VPS13B: variants seen among roughly 807,000 people sequenced by gnomAD.
VPS13B encodes intermembrane lipid transfer protein VPS13B.
In VPS13B, 285 loss-of-function variants were observed where a neutral mutation model predicts 426.4. The observed-to-expected ratio is 0.67, with a 90% CI of 0.61 to 0.74. The LOEUF (loss-of-function observed/expected upper bound fraction) is 0.74. Among genes scored for constraint, VPS13B ranks in the 30% least tolerant of loss-of-function variants. VPS13B has a pLI of 0.00. For missense variants in VPS13B, 4,537 were observed against 4,782.6 expected (o/e 0.95, Z 1.51); for synonymous variants, 1,676 against 1,676.4 (o/e 1.00, Z 0.01).
At chr8:99,301,723 G>A (rs1820378460) in intron 19 of VPS13B, among the ~76,000 whole-genome samples, 1 of 152,182 alleles carries the variant, frequency 6.6e-6, no homozygotes, top group Non-Finnish European at 1.5e-5. Flanking sequence ...TAGAGTCCTT[G>A]TTTCCATCTA....
intron 25 of VPS13B, among the ~76,000 whole-genome samples, chr8:99,485,806 T>C (rs1820269507): frequency 6.6e-6 from 1 of 152,214 alleles, no homozygotes; most frequent in South Asian, 2.1e-4. Context: ...TAAAGGCTTT[T>C]GAATAGATTA....
At chr8:99,730,954 TGGA>T (rs1342973432) in intron 39 of VPS13B, among the ~76,000 whole-genome samples, 1 of 151,954 alleles carries the variant, frequency 6.6e-6, no homozygotes, top group Non-Finnish European at 1.5e-5. Context: ...CAAGGCTTCA[TGGA>T]GGAGATGGTT....
At chr8:99,183,405 G>C (rs761254528) in intron 16 of VPS13B, among the ~76,000 whole-genome samples, 1 of 152,048 alleles carries the variant, frequency 6.6e-6, no homozygotes, top group African/African-American at 2.4e-5. Flanking sequence ...CATACATATT[G>C]AAATGCTCAG....
chr8:99,096,566 G>A, intron 4 of VPS13B, 134 bp downstream of exon 4: 1 of 1,254,128 alleles, frequency 8.0e-7, no homozygotes. Flanking sequence ...GACCAGCCTG[G>A]CCAACATGGT....
intron 19 of VPS13B, among the ~76,000 whole-genome samples, chr8:99,312,161 C>A (rs1214900475): frequency 6.6e-6 from 1 of 152,126 alleles, no homozygotes; most frequent in African/African-American, 2.4e-5. Context: ...ACATTTAGCC[C>A]ATTTACATTT....
chr8:99,413,541 CT>C (rs1323633206), intron 21 of VPS13B, among the ~76,000 whole-genome samples: 1 of 152,066 alleles, frequency 6.6e-6, no homozygotes, highest in East Asian at 1.9e-4. Flanking sequence ...TATTTTCGAT[CT>C]TTTCTGCTTT....
intron 23 of VPS13B, among the ~76,000 whole-genome samples, chr8:99,461,596 A>G (rs1170702841): frequency 3.3e-5 from 5 of 152,168 alleles, no homozygotes; most frequent in African/African-American, 1.2e-4. Flanking sequence ...TTAACAGGCA[A>G]CATTCATATT....
intron 32 of VPS13B, 40 bp from the exon 33 acceptor site, chr8:99,577,450 A>G (rs1825829179): frequency 6.2e-7 from 1 of 1,611,492 alleles, no homozygotes; most frequent in Non-Finnish European, 8.5e-7. Context: ...TCTGAAAGCT[A>G]TCATGTTTCT....
chr8:99,631,677 C>G (rs947634692), intron 33 of VPS13B, among the ~76,000 whole-genome samples: 1 of 151,700 alleles, frequency 6.6e-6, no homozygotes, highest in African/African-American at 2.4e-5. Context: ...TCTCATAATA[C>G]TAAACATCCA....
intron 41 of VPS13B, 60 bp downstream of exon 41, chr8:99,777,016 T>C (rs954717652): frequency 6.4e-7 from 1 of 1,555,222 alleles, no homozygotes; most frequent in Non-Finnish European, 8.9e-7. Flanking sequence ...TTCTCTTGAG[T>C]GTTTTCAAAA....
rs184226169 is a variant in VPS13B at position 99,700,004 on chromosome 8, T to C, written c.6454+72T>C. 7.1e-6 allele frequency: 11 copies of C among 1,545,584 alleles called. No individual in the cohort carries two copies. In the Admixed American group the frequency reaches 2.1e-4, roughly 30 times the overall value. ...TTTGTTAACATCTGAAAATGCATCA[T>C]TTTGAAGATTTATATTATGTAGAAG... On this transcript the variant is annotated intron_variant, in intron 36 of 61. Coordinates refer to ENST00000357162, the MANE Select transcript of VPS13B (RefSeq NM_152564.5).
At position 99,431,630 on chromosome 8, in the gene VPS13B, T is replaced by G; in HGVS notation, c.3176T>G (p.Ile1059Ser). 6.2e-7 allele frequency: 1 copy of G among 1,613,422 alleles called. No individual in the cohort carries two copies. ...GAAAGAATGAAGGAATTTATTGGAA[T>G]TGTTTGGAATGCAGTGAAGCATCTC... ...PEERMKEFIG[I>S]VWNAVKHLTL... The change falls in exon 22 of 62, where the codon ATT becomes AGT. Residue 1059 changes from isoleucine to serine, a missense_variant. Ile to Ser is a moderately radical substitution (Grantham distance 142). Transcript: ENST00000357162.
intron 57 of VPS13B, among the ~76,000 whole-genome samples, chr8:99,859,703 C>A (rs1227825749): frequency 6.6e-6 from 1 of 152,078 alleles, no homozygotes; most frequent in East Asian, 1.9e-4. Flanking sequence ...TCAGAAACTT[C>A]AGAATTTTAA....
rs199769640 is a variant in VPS13B at position 99,148,054 on chromosome 8, A to AT, written c.2013+61dup. ...TATATTTTTTTTCCCTCATATATGGATTTTTTTTTTTTTTTTTGTCATTTA... is the reference window on the plus strand; with the variant it reads ...TATATTTTTTTTCCCTCATATATGGATTTTTTTTTTTTTTTTTTGTCATTTA... On this transcript the variant is annotated intron_variant, in intron 14 of 61. Transcript: ENST00000357162. 0.051 allele frequency: 69,524 copies of AT among 1,352,332 alleles called. 93 individuals carry two copies. The highest frequency in any genetic ancestry group is 0.07 in the South Asian group (5,500 of 78,310). The allele number at this position is 1,352,332 out of a possible 1,614,324, so 83.8% of individuals were successfully genotyped here. A position where few individuals can be genotyped will look rare whatever the true frequency, so the allele number is the denominator to read the frequency against.
At chr8:99,474,176 T>C (rs897824910) in intron 24 of VPS13B, among the ~76,000 whole-genome samples, 1 of 148,434 alleles carries the variant, frequency 6.7e-6, no homozygotes, top group Non-Finnish European at 1.5e-5. Flanking sequence ...CAATGGACTG[T>C]TATCCAATTT....
At chr8:99,236,165 G>C (rs982305945) in intron 17 of VPS13B, among the ~76,000 whole-genome samples, 1 of 152,042 alleles carries the variant, frequency 6.6e-6, no homozygotes, top group Non-Finnish European at 1.5e-5. Context: ...TTGTGTTGTA[G>C]AGGCATTATC....
chr8:99,637,934 A>G (rs1442137738), intron 33 of VPS13B, among the ~76,000 whole-genome samples: 1 of 152,140 alleles, frequency 6.6e-6, no homozygotes, highest in Non-Finnish European at 1.5e-5. Context: ...TTTTTTAGTT[A>G]TACTGTATTT....
At chr8:99,242,928 A>C (rs1259662503) in intron 17 of VPS13B, among the ~76,000 whole-genome samples, 1 of 152,154 alleles carries the variant, frequency 6.6e-6, no homozygotes, top group Non-Finnish European at 1.5e-5. Flanking sequence ...TATATTTGCC[A>C]TTTTATCTAG....
intron 19 of VPS13B, among the ~76,000 whole-genome samples, chr8:99,361,219 A>G (rs1812539234): frequency 1.3e-5 from 2 of 152,212 alleles, no homozygotes; most frequent in Admixed American, 1.3e-4. Context: ...TCTCATTGGA[A>G]AATTCATTAG....
Sources: allele counts gnomAD v4.1 joint callset (sites outside exome capture counted in the v4.1 genomes callset), GRCh38; gene constraint gnomAD v4.1.1; transcripts MANE v1.5; gene names NCBI Gene and HGNC (gene_info 2026-07-23, HGNC 2026-07-21).